Variants in VPS53 observed in about 807,000 individuals in gnomAD.
The protein encoded by VPS53 is VPS53 subunit of GARP complex.
VPS53 carries 70 observed loss-of-function variants against 107.0 expected under a neutral mutation model. The ratio of observed to expected loss-of-function variants is 0.65; its 90% CI spans 0.54 to 0.80. The LOEUF (loss-of-function observed/expected upper bound fraction) is 0.80. Among genes scored for constraint, VPS53 ranks in the 30% least tolerant of loss-of-function variants. VPS53 has a pLI of 0.00. For missense variants in VPS53, 917 were observed against 1,049.4 expected (o/e 0.87, Z 1.74); for synonymous variants, 409 against 393.3 (o/e 1.04, Z -0.47).
chr17:554,629 C>T (rs1181380311), intron 15 of VPS53, among the ~76,000 whole-genome samples: 2 of 152,184 alleles, frequency 1.3e-5, no homozygotes, highest in African/African-American at 2.4e-5. Context: ...TCTTGAACTC[C>T]TGACCTCAGG....
chr17:563,382 A>G lies in VPS53; in HGVS notation c.1314-637T>C, dbSNP rs192713326. The stretch of plus-strand genomic sequence containing the variant: ...ATGATCTTGGCCCACTGCAACCTCC[A>G]TCTTCAGGGTTCAAGCAATTCTCCT... On this transcript the variant is annotated intron_variant, in intron 13 of 21. Coordinates refer to ENST00000437048, the MANE Select transcript of VPS53 (RefSeq NM_001128159.3). Among the ~76,000 whole-genome samples the G allele has an allele frequency of 1.9e-3, 266 of 137,440 alleles. 3 individuals are homozygous for G. The highest frequency in any genetic ancestry group is 3.2e-3 in the East Asian group (15 of 4,692). 90.2% of individuals were successfully genotyped at this position (137,440 alleles called of 152,430 possible). A position where few individuals can be genotyped will look rare whatever the true frequency, so the allele number is the denominator to read the frequency against.
At chr17:625,271 A>C (rs976654567) in intron 10 of VPS53, among the ~76,000 whole-genome samples, 17 of 152,140 alleles carry the variant, frequency 1.1e-4, no homozygotes, top group Non-Finnish European at 2.1e-4. Flanking sequence ...TTATAGGCAT[A>C]AACCACCAAG....
intron 12 of VPS53, among the ~76,000 whole-genome samples, chr17:590,859 C>T (rs1967609882): frequency 6.6e-6 from 1 of 151,364 alleles, no homozygotes; most frequent in South Asian, 2.1e-4. Context: ...TGTGTCTCTG[C>T]CCGGCTTTGG....
rs1161489334 is a variant in VPS53, at chr17:714,692, TTCCTCC to T, written c.12_17del (p.Glu5_Glu6del). On this transcript the variant is annotated inframe_deletion, in exon 1 of 22. Transcript: ENST00000437048. The stretch of plus-strand genomic sequence containing the variant: ...CTTCCAGCTCCTCCACGAACTCCAG[TTCCTCC>T]TCCTCCATCATTCCGCCACCCGGCC... The T allele has an allele frequency of 6.2e-7, 1 of 1,612,542 alleles. No individual in the cohort carries two copies. The highest frequency in any genetic ancestry group is 8.5e-7 in the Non-Finnish European group (1 of 1,179,492).
At chr17:617,262 C>T (rs931040294) in intron 11 of VPS53, among the ~76,000 whole-genome samples, 9 of 152,144 alleles carry the variant, frequency 5.9e-5, no homozygotes, top group East Asian at 1.9e-4. Flanking sequence ...CATATATCTA[C>T]GCTTGAAACC....
At chr17:653,451 A>T in intron 6 of VPS53, 41 bp from the exon 7 acceptor site, 1 of 1,613,330 alleles carries the variant, frequency 6.2e-7, no homozygotes, top group Middle Eastern at 1.7e-4. Flanking sequence ...GAAAAACACT[A>T]AAGACGCAAG....
At chr17:534,983 C>T (rs563623649) in intron 18 of VPS53, among the ~76,000 whole-genome samples, 1 of 151,192 alleles carries the variant, frequency 6.6e-6, no homozygotes, top group Admixed American at 6.6e-5. Flanking sequence ...CTACAGGTGG[C>T]GATGGGGGGA....
At chr17:653,751 A>C (rs1447165147) in intron 6 of VPS53, among the ~76,000 whole-genome samples, 1 of 152,212 alleles carries the variant, frequency 6.6e-6, no homozygotes, top group South Asian at 2.1e-4. Context: ...GGAATCTGGG[A>C]AGACGATGAA....
At chr17:543,109 G>A (rs1478554792) in intron 17 of VPS53, among the ~76,000 whole-genome samples, 2 of 152,162 alleles carry the variant, frequency 1.3e-5, no homozygotes, top group East Asian at 3.8e-4. Context: ...TCTTAGTCAT[G>A]GCTTTCTGTG....
intron 2 of VPS53, among the ~76,000 whole-genome samples, chr17:699,668 C>T (rs974663097): frequency 1.3e-5 from 2 of 152,268 alleles, no homozygotes; most frequent in Admixed American, 6.5e-5. Context: ...GGTAGGCAGT[C>T]GTGAAAGACG....
At chr17:570,295 A>G (rs4968084) in intron 13 of VPS53, among the ~76,000 whole-genome samples, 50,462 of 144,008 alleles carry the variant, frequency 0.35, 10,429 homozygotes, top group African/African-American at 0.58. Flanking sequence ...GCTTGAGCCC[A>G]GGAGGTGGAG....
intron 5 of VPS53, among the ~76,000 whole-genome samples, chr17:661,520 C>CAAAAAA (rs10666256): frequency 9.2e-6 from 1 of 109,244 alleles, no homozygotes; most frequent in Non-Finnish European, 1.8e-5. Context: ...GACTCCATCT[C>CAAAAAA]AAAAAAAAAA....
At chr17:574,601 C>T (rs1444713481) in intron 13 of VPS53, among the ~76,000 whole-genome samples, 3 of 151,952 alleles carry the variant, frequency 2.0e-5, no homozygotes, top group Non-Finnish European at 2.9e-5. Flanking sequence ...TGCGTCTCTA[C>T]AAAAAATACA....
At chr17:710,658 G>T (rs79805521) in intron 1 of VPS53, 45 bp from the exon 2 acceptor site, 4 of 1,371,238 alleles carry the variant, frequency 2.9e-6, no homozygotes, top group Non-Finnish European at 2.0e-6. Context: ...GTAGTATACC[G>T]TAAATATATA....
At chr17:605,031 G>T (rs1420371384) in intron 11 of VPS53, among the ~76,000 whole-genome samples, 1 of 152,206 alleles carries the variant, frequency 6.6e-6, no homozygotes, top group African/African-American at 2.4e-5. Flanking sequence ...ATGGAAACGT[G>T]CAACAGAGGG....
intron 7 of VPS53, among the ~76,000 whole-genome samples, chr17:636,610 A>G (rs1970207358): frequency 6.6e-6 from 1 of 152,212 alleles, no homozygotes; most frequent in Non-Finnish European, 1.5e-5. Context: ...TAATTTATTG[A>G]GAGTTTTTAG....
chr17:629,712 G>A (rs749502212), intron 8 of VPS53, among the ~76,000 whole-genome samples: 5 of 151,190 alleles, frequency 3.3e-5, no homozygotes, highest in Non-Finnish European at 4.4e-5. Flanking sequence ...GCAGTGAGCC[G>A]AGATCGCACC....
At chr17:692,046 A>C (rs981309648) in intron 4 of VPS53, among the ~76,000 whole-genome samples, 1 of 152,150 alleles carries the variant, frequency 6.6e-6, no homozygotes, top group Non-Finnish European at 1.5e-5. Context: ...TGTTCTGATC[A>C]AAGAAATGGC....
chr17:607,392 T>G (rs1968636057), intron 11 of VPS53, among the ~76,000 whole-genome samples: 1 of 152,162 alleles, frequency 6.6e-6, no homozygotes, highest in Non-Finnish European at 1.5e-5. Flanking sequence ...CCCTCCTCCC[T>G]GTTGATAAAA....
Sources: gnomAD v4.1 joint callset for allele counts (sites outside exome capture counted in the v4.1 genomes callset) on GRCh38, gnomAD v4.1.1 for gene constraint, MANE v1.5 for transcripts, NCBI Gene and HGNC (gene_info 2026-07-23, HGNC 2026-07-21) for gene names.